CACNA2D3: variants seen among roughly 807,000 people sequenced by gnomAD.
CACNA2D3 encodes the protein calcium voltage-gated channel auxiliary subunit alpha2delta 3.
Under a neutral mutation model 160.6 loss-of-function variants are expected in CACNA2D3, and 60 were observed. The ratio of observed to expected loss-of-function variants is 0.37; its 90% CI spans 0.30 to 0.46. CACNA2D3 has a LOEUF of 0.46. CACNA2D3 is among the 20% of genes least tolerant of loss of function. The pLI is 1.00. For missense variants in CACNA2D3, 1,205 were observed against 1,365.0 expected (o/e 0.88, Z 1.85); for synonymous variants, 558 against 492.9 (o/e 1.13, Z -1.75).
In CACNA2D3 at chr3:54,236,365, G is replaced by A. The variant is rs1399663981; in HGVS notation, c.205-84077G>A. ...GGTTGTGACAAATACACCAATAAAT[G>A]TAAGTGGATAACCACAGAGGAAACT... On this transcript the variant is annotated intron_variant, in intron 2 of 37. Transcript: ENST00000474759. 2.0e-5 allele frequency among the ~76,000 whole-genome samples: 3 copies of A among 152,222 alleles called. No homozygotes were observed. In the East Asian group the frequency reaches 5.8e-4, roughly 29 times the overall value.
At chr3:54,251,244 T>C (rs937840780) in intron 2 of CACNA2D3, among the ~76,000 whole-genome samples, 2 of 152,084 alleles carry the variant, frequency 1.3e-5, no homozygotes, top group African/African-American at 4.8e-5. Context: ...AGGAGAGCAG[T>C]GAAGAGTCTT....
chr3:54,854,323 C>T (rs532458712), intron 17 of CACNA2D3, among the ~76,000 whole-genome samples: 6 of 152,162 alleles, frequency 3.9e-5, no homozygotes, highest in South Asian at 4.1e-4. Flanking sequence ...GTGAGGGCAC[C>T]GTCCTCACTG....
intron 32 of CACNA2D3, among the ~76,000 whole-genome samples, chr3:55,006,430 A>G (rs908013405): frequency 1.6e-4 from 24 of 152,174 alleles, no homozygotes; most frequent in African/African-American, 5.6e-4. Context: ...CAGCAGATAC[A>G]AAGACACAAC....
intron 16 of CACNA2D3, among the ~76,000 whole-genome samples, chr3:54,839,056 G>A (rs1034656113): frequency 2.0e-5 from 3 of 152,260 alleles, no homozygotes; most frequent in Admixed American, 6.5e-5. Flanking sequence ...AGGAGATGGA[G>A]ACCATCCTGG....
rs1049507905 is a variant in CACNA2D3, at chr3:54,122,678, T to C, written c.-36T>C. ...GCGCAGCTCCCCGCGGCCGCTCTCG[T>C]CGCCGCCGCAGCGGGCGCGTCGGAG... On this transcript the variant is annotated 5_prime_UTR_variant, in exon 1 of 38. Transcript: ENST00000474759. 9.4e-7 allele frequency: 1 copy of C among 1,068,706 alleles called. No individual in the cohort carries two copies. The highest frequency in any genetic ancestry group is 1.7e-5 in the African/African-American group (1 of 58,674). The allele number at this position is 1,068,706 out of a possible 1,614,324, so 66.2% of individuals were successfully genotyped here. A position where few individuals can be genotyped will look rare whatever the true frequency, so the allele number is the denominator to read the frequency against.
chr3:54,951,977 T>C (rs1701769277), intron 27 of CACNA2D3, among the ~76,000 whole-genome samples: 1 of 152,154 alleles, frequency 6.6e-6, no homozygotes, highest in Non-Finnish European at 1.5e-5. Flanking sequence ...GCCTCCCAAG[T>C]AGCCGGGACT....
In CACNA2D3 at chr3:55,033,825, ATTT is replaced by A. The variant is rs1559469591; in HGVS notation, c.2987+15509_2987+15511del. Among the ~76,000 whole-genome samples, 722 of 85,724 alleles carry A rather than the reference ATTT, an allele frequency of 8.4e-3. 44 individuals carry two copies. The highest frequency in any genetic ancestry group is 0.027 in the African/African-American group (694 of 25,808). The allele number at this position is 85,724 out of a possible 152,430, so 56.2% of individuals were successfully genotyped here. On this transcript the variant is annotated intron_variant, in intron 35 of 37. Transcript: ENST00000474759. The stretch of plus-strand genomic sequence containing the variant: ...ATAATATGTATTATATATTAAATAT[ATTT>A]AATATATAATATATATTACATATTA...
At position 54,527,180 on chromosome 3, in the gene CACNA2D3, C is replaced by T. The variant is rs567714178; in HGVS notation, c.544+23526C>T. Among the ~76,000 whole-genome samples, 55 of 152,346 alleles carry T rather than the reference C, an allele frequency of 3.6e-4. 1 individual carries two copies. The South Asian group carries it at 0.011, about 30-fold the overall frequency. On this transcript the variant is annotated intron_variant, in intron 5 of 37. Coordinates refer to ENST00000474759, the MANE Select transcript of CACNA2D3 (RefSeq NM_018398.3). ...GAGATCTGTCCAGCAAACTTACCAG[C>T]CTACAGTTTAGATTATATCTCCAAT...
chr3:54,871,457 G>T lies in CACNA2D3; in HGVS notation c.1627-82G>T, dbSNP rs1699532861. 3.2e-5 allele frequency: 33 copies of T among 1,022,550 alleles called. No homozygotes were observed. The South Asian group carries it at 4.3e-4, about 13-fold the overall frequency. 63.3% of individuals were successfully genotyped at this position (1,022,550 alleles called of 1,614,324 possible). On this transcript the variant is annotated intron_variant, in intron 17 of 37. Coordinates refer to ENST00000474759, the MANE Select transcript of CACNA2D3 (RefSeq NM_018398.3). The stretch of plus-strand genomic sequence containing the variant: ...CTCCCAAGCCCTGTCCATGAAACAG[G>T]ACTTGGGAAGGTAAAGATTGCCCTG...
intron 6 of CACNA2D3, among the ~76,000 whole-genome samples, chr3:54,566,721 A>C (rs546500859): frequency 6.6e-6 from 1 of 152,160 alleles, no homozygotes; most frequent in Non-Finnish European, 1.5e-5. Flanking sequence ...AGCCGTACGC[A>C]GGGGAGTTTG....
intron 18 of CACNA2D3, among the ~76,000 whole-genome samples, chr3:54,873,341 T>A (rs1699584106): frequency 6.6e-6 from 1 of 152,154 alleles, no homozygotes; most frequent in African/African-American, 2.4e-5. Flanking sequence ...TGGAGGGGAC[T>A]TTCCATTGTT....
chr3:54,459,520 C>T (rs1700460387), intron 4 of CACNA2D3, among the ~76,000 whole-genome samples: 1 of 151,846 alleles, frequency 6.6e-6, no homozygotes, highest in African/African-American at 2.4e-5. Context: ...CTCTGATGGC[C>T]AGTGATGATG....
intron 10 of CACNA2D3, 56 bp downstream of exon 10, chr3:54,627,932 T>G: frequency 8.0e-7 from 1 of 1,247,116 alleles, no homozygotes; most frequent in South Asian, 1.3e-5. Context: ...TGGGTGTTGT[T>G]TTAGAAAATT....
chr3:54,954,848 G>C (rs9820924), intron 27 of CACNA2D3, among the ~76,000 whole-genome samples: 2,678 of 152,286 alleles, frequency 0.018, 70 homozygotes, highest in African/African-American at 0.061. Flanking sequence ...TCAGAAAGAA[G>C]AACAACTGGG....
chr3:54,249,308 T>C (rs1702137042), intron 2 of CACNA2D3, among the ~76,000 whole-genome samples: 1 of 152,176 alleles, frequency 6.6e-6, no homozygotes, highest in African/African-American at 2.4e-5. Flanking sequence ...GATTAATATT[T>C]AAATTGGTGA....
intron 13 of CACNA2D3, among the ~76,000 whole-genome samples, chr3:54,787,075 C>G (rs1702655690): frequency 6.6e-6 from 1 of 152,216 alleles, no homozygotes; most frequent in African/African-American, 2.4e-5. Flanking sequence ...CCACATGTTT[C>G]AGAGCTTTTC....
At chr3:54,778,794 A>G (rs538959873) in intron 13 of CACNA2D3, among the ~76,000 whole-genome samples, 18 of 152,274 alleles carry the variant, frequency 1.2e-4, no homozygotes, top group Non-Finnish European at 2.2e-4. Flanking sequence ...TAGCTGTTAG[A>G]TAAGAATGGC....
chr3:54,716,499 C>T (rs1240693790), intron 11 of CACNA2D3, among the ~76,000 whole-genome samples: 2 of 152,144 alleles, frequency 1.3e-5, no homozygotes, highest in Non-Finnish European at 2.9e-5. Flanking sequence ...ACGTATTCAT[C>T]TTACACTCAG....
chr3:54,645,202 A>AGGG (rs1394828096), intron 11 of CACNA2D3, among the ~76,000 whole-genome samples: 1 of 152,194 alleles, frequency 6.6e-6, no homozygotes, highest in Non-Finnish European at 1.5e-5. Context: ...GAGTGAGTGA[A>AGGG]GGGGAAAGAG....
Sources: allele counts gnomAD v4.1 joint callset (sites outside exome capture counted in the v4.1 genomes callset), GRCh38; gene constraint gnomAD v4.1.1; transcripts MANE v1.5; gene names NCBI Gene and HGNC (gene_info 2026-07-23, HGNC 2026-07-21).